ELOVL7: variants seen among roughly 807,000 people sequenced by gnomAD.
The protein encoded by ELOVL7 is very long chain fatty acid elongase 7.
Under a neutral mutation model 35.7 loss-of-function variants are expected in ELOVL7, and 27 were observed. The ratio of observed to expected loss-of-function variants is 0.76; its 90% CI spans 0.56 to 1.04. The LOEUF is 1.04. Among genes scored for constraint, ELOVL7 ranks in the 50% least tolerant of loss-of-function variants. The pLI, the probability that ELOVL7 is intolerant of heterozygous loss-of-function variation, is 0.00. For missense variants in ELOVL7, 327 were observed against 340.8 expected, an observed-to-expected ratio of 0.96 and a Z score of 0.32; for synonymous variants, 113 against 114.6, an observed-to-expected ratio of 0.99 and a Z score of 0.09.
At chr5:60,827,531 T>C (rs1038108747) in intron 1 of ELOVL7, among the ~76,000 whole-genome samples, 1 of 152,200 alleles carries the variant, frequency 6.6e-6, no homozygotes, top group African/African-American at 2.4e-5. Flanking sequence ...TCAAATACCA[T>C]GGATTTTCTT....
intron 1 of ELOVL7, among the ~76,000 whole-genome samples, chr5:60,827,214 T>A (rs1442143856): frequency 2.6e-5 from 4 of 152,212 alleles, no homozygotes; most frequent in Non-Finnish European, 5.9e-5. Flanking sequence ...GCTAAAAATA[T>A]CATTACTTAA....
intron 8 of ELOVL7, among the ~76,000 whole-genome samples, chr5:60,757,124 C>G (rs1412338186): frequency 6.6e-6 from 1 of 152,074 alleles, no homozygotes; most frequent in East Asian, 1.9e-4. Flanking sequence ...TAGGTAAGCA[C>G]ACAGGAAGGC....
intron 4 of ELOVL7, among the ~76,000 whole-genome samples, chr5:60,769,880 T>A (rs1382537554): frequency 6.6e-6 from 1 of 151,886 alleles, no homozygotes; most frequent in Admixed American, 6.6e-5. Context: ...CAAAACACCA[T>A]CTCTACAAAA....
chr5:60,764,170 T>G lies in ELOVL7; in HGVS notation c.499+57A>C. On this transcript the variant is annotated intron_variant, in intron 7 of 8. Coordinates refer to ENST00000508821, the MANE Select transcript of ELOVL7 (RefSeq NM_024930.3). ...AATCACATTTTAGAAAAATATTTTGTTTTTAGCATATAGAAATGTTGTTTA... is the reference window on the plus strand; with the variant it reads ...AATCACATTTTAGAAAAATATTTTGGTTTTAGCATATAGAAATGTTGTTTA... The G allele has an allele frequency of 2.6e-6, 3 of 1,141,018 alleles. No individual in the cohort carries two copies. The South Asian group carries it at 4.1e-5, about 16-fold the overall frequency. The allele number at this position is 1,141,018 out of a possible 1,614,324, so 70.7% of individuals were successfully genotyped here.
intron 7 of ELOVL7, among the ~76,000 whole-genome samples, chr5:60,759,884 A>T (rs951170260): frequency 6.6e-6 from 1 of 151,472 alleles, no homozygotes; most frequent in African/African-American, 2.4e-5. Context: ...TGAGAATATG[A>T]GGTGTTTGGT....
chr5:60,807,352 A>T (rs1369029045), intron 1 of ELOVL7, among the ~76,000 whole-genome samples: 2 of 152,108 alleles, frequency 1.3e-5, no homozygotes. Flanking sequence ...TTCACTTTCC[A>T]TGTCCTTGGG....
chr5:60,843,181 G>A (rs1158470143), intron 1 of ELOVL7, among the ~76,000 whole-genome samples: 3 of 152,142 alleles, frequency 2.0e-5, no homozygotes, highest in African/African-American at 7.2e-5. Context: ...GAGGAACTCG[G>A]GTCGCTAAAA....
chr5:60,782,034 A>G (rs1176784064), intron 3 of ELOVL7, among the ~76,000 whole-genome samples: 1 of 152,232 alleles, frequency 6.6e-6, no homozygotes, highest in African/African-American at 2.4e-5. Context: ...CCTTGGTCCA[A>G]TTGAATCAGA....
intron 3 of ELOVL7, among the ~76,000 whole-genome samples, chr5:60,777,501 C>T (rs1022307738): frequency 6.6e-6 from 1 of 151,998 alleles, no homozygotes; most frequent in Non-Finnish European, 1.5e-5. Flanking sequence ...ACATCTTACA[C>T]TTAGACTGCC....
intron 1 of ELOVL7, among the ~76,000 whole-genome samples, chr5:60,809,895 T>A (rs1220924087): frequency 6.6e-6 from 1 of 152,126 alleles, no homozygotes; most frequent in African/African-American, 2.4e-5. Context: ...CAGATAAAAA[T>A]GCCTTAAAGG....
At chr5:60,775,401 G>A (rs1432471762) in intron 3 of ELOVL7, among the ~76,000 whole-genome samples, 3 of 152,142 alleles carry the variant, frequency 2.0e-5, no homozygotes, top group African/African-American at 7.2e-5. Context: ...TGTCCATACT[G>A]TTCAAAACAA....
intron 1 of ELOVL7, among the ~76,000 whole-genome samples, chr5:60,843,732 G>A (rs1005431445): frequency 5.3e-5 from 8 of 152,122 alleles, no homozygotes; most frequent in African/African-American, 1.7e-4. Context: ...CAGTCCCGCC[G>A]GCGAGCACCT....
intron 3 of ELOVL7, among the ~76,000 whole-genome samples, chr5:60,772,856 TA>T (rs1189670055): frequency 6.6e-6 from 1 of 152,122 alleles, no homozygotes; most frequent in East Asian, 1.9e-4. Context: ...TTTTATATAT[TA>T]AAAAAAGTTT....
intron 1 of ELOVL7, among the ~76,000 whole-genome samples, chr5:60,808,870 G>T (rs935488865): frequency 1.3e-5 from 2 of 152,144 alleles, no homozygotes; most frequent in Non-Finnish European, 2.9e-5. Flanking sequence ...AGACTCCAAA[G>T]AATACATACT....
At chr5:60,757,158 T>G (rs1741586283) in intron 8 of ELOVL7, among the ~76,000 whole-genome samples, 1 of 152,142 alleles carries the variant, frequency 6.6e-6, no homozygotes, top group Non-Finnish European at 1.5e-5. Context: ...AAAGTTGCAT[T>G]CCCTCAAGGT....
chr5:60,756,396 C>T (rs930887498), intron 8 of ELOVL7, among the ~76,000 whole-genome samples: 6 of 152,040 alleles, frequency 3.9e-5, no homozygotes, highest in Admixed American at 2.0e-4. Context: ...TTTCTCTTTG[C>T]TTAATTAGGT....
chr5:60,767,751 T>C, intron 5 of ELOVL7, 72 bp downstream of exon 5: 1 of 1,088,828 alleles, frequency 9.2e-7, no homozygotes, highest in East Asian at 2.4e-5. Context: ...AAGTTTACGT[T>C]CAGTGTTACA....
intron 1 of ELOVL7, among the ~76,000 whole-genome samples, chr5:60,837,889 G>T (rs1358928078): frequency 3.3e-5 from 5 of 152,058 alleles, no homozygotes; most frequent in African/African-American, 4.8e-5. Flanking sequence ...TAAGCCAAGA[G>T]CATGCCATTG....
chr5:60,818,648 A>G (rs1561465345), intron 1 of ELOVL7, among the ~76,000 whole-genome samples: 1 of 152,130 alleles, frequency 6.6e-6, no homozygotes, highest in Non-Finnish European at 1.5e-5. Flanking sequence ...CTAAAAACAG[A>G]TAATTCGCTA....
Sources: allele counts gnomAD v4.1 joint callset (sites outside exome capture counted in the v4.1 genomes callset), GRCh38; gene constraint gnomAD v4.1.1; transcripts MANE v1.5; gene names NCBI Gene and HGNC (gene_info 2026-07-23, HGNC 2026-07-21).